ASIC2: variants seen among roughly 807,000 people sequenced by gnomAD.
The protein encoded by ASIC2 is acid sensing ion channel subunit 2, also known as acid-sensing ion channel 2.
In ASIC2, 25 loss-of-function variants were observed where a neutral mutation model predicts 57.3. The ratio of observed to expected loss-of-function variants is 0.44; its 90% CI spans 0.32 to 0.61. The LOEUF (loss-of-function observed/expected upper bound fraction) is 0.61, where lower values mean the gene tolerates loss of function less well. Among genes scored for constraint, ASIC2 ranks in the 20% least tolerant of loss-of-function variants. The probability of loss-of-function intolerance (pLI) is 0.06; values close to 1 mark genes in which losing one functional copy is unlikely to be tolerated. For synonymous variants in ASIC2, 319 were observed against 307.5 expected, an observed-to-expected ratio of 1.04 and a Z score of -0.39; for missense variants, 641 against 738.1, an observed-to-expected ratio of 0.87 and a Z score of 1.52.
At chr17:33,020,740 C>T (rs1002955839) in intron 7 of ASIC2, among the ~76,000 whole-genome samples, 5 of 152,152 alleles carry the variant, frequency 3.3e-5, no homozygotes, top group Non-Finnish European at 7.3e-5. Context: ...ACCTGGCCTT[C>T]TGGATGCAGC....
chr17:33,818,319 A>C, intron 1 of ASIC2, among the ~76,000 whole-genome samples: 1 of 152,220 alleles, frequency 6.6e-6, no homozygotes, highest in Non-Finnish European at 1.5e-5. Flanking sequence ...AACCTAAACC[A>C]ATTAGCTTTT....
intron 1 of ASIC2, among the ~76,000 whole-genome samples, chr17:33,252,584 C>A (rs533377764): frequency 5.3e-5 from 8 of 152,138 alleles, no homozygotes; most frequent in African/African-American, 1.9e-4. Flanking sequence ...CCCAGCCCTG[C>A]GATGGGTGCA....
intron 1 of ASIC2, among the ~76,000 whole-genome samples, chr17:34,099,130 G>A (rs75779132): frequency 1.4e-4 from 13 of 92,184 alleles, no homozygotes; most frequent in African/African-American, 4.3e-4. Flanking sequence ...GAGAGAGAGA[G>A]AGAGAGAGAG....
chr17:33,742,657 C>T (rs1207615619), intron 1 of ASIC2, among the ~76,000 whole-genome samples: 1 of 152,176 alleles, frequency 6.6e-6, no homozygotes, highest in Non-Finnish European at 1.5e-5. Context: ...TGGAACACTC[C>T]TTGGAGATTT....
chr17:34,025,825 A>G (rs1278462031), intron 1 of ASIC2, among the ~76,000 whole-genome samples: 1 of 152,264 alleles, frequency 6.6e-6, no homozygotes, highest in Non-Finnish European at 1.5e-5. Flanking sequence ...ATAAAAGGTC[A>G]TGAGAATCTA....
At chr17:33,370,209 T>C (rs562530071) in intron 1 of ASIC2, among the ~76,000 whole-genome samples, 1 of 152,304 alleles carries the variant, frequency 6.6e-6, no homozygotes, top group Non-Finnish European at 1.5e-5. Flanking sequence ...CAGGCAAATC[T>C]AGCCTGGACA....
chr17:33,072,589 G>A (rs2092073709), intron 3 of ASIC2, among the ~76,000 whole-genome samples: 1 of 152,208 alleles, frequency 6.6e-6, no homozygotes, highest in African/African-American at 2.4e-5. Flanking sequence ...TACTTTCATA[G>A]CTATTGCCAA....
chr17:33,303,136 G>T (rs1234657109), intron 1 of ASIC2, among the ~76,000 whole-genome samples: 1 of 152,236 alleles, frequency 6.6e-6, no homozygotes, highest in Non-Finnish European at 1.5e-5. Flanking sequence ...GCAGAGCCAG[G>T]ATTCCAACTC....
intron 1 of ASIC2, among the ~76,000 whole-genome samples, chr17:33,719,269 TA>T (rs1909314127): frequency 6.6e-6 from 1 of 151,962 alleles, no homozygotes; most frequent in Non-Finnish European, 1.5e-5. Flanking sequence ...GCATAGGAAA[TA>T]AACCAGAGAG....
At chr17:33,496,214 G>A (rs991800191) in intron 1 of ASIC2, among the ~76,000 whole-genome samples, 1 of 152,122 alleles carries the variant, frequency 6.6e-6, no homozygotes. Flanking sequence ...GGCTTGGACC[G>A]GGCTATTGGA....
At chr17:33,663,573 T>C (rs567805911) in intron 1 of ASIC2, among the ~76,000 whole-genome samples, 7 of 151,428 alleles carry the variant, frequency 4.6e-5, no homozygotes, top group African/African-American at 1.4e-4. Context: ...TAAAAGACAA[T>C]TTGTATTTCA....
intron 1 of ASIC2, among the ~76,000 whole-genome samples, chr17:34,125,962 G>T (rs1432235786): frequency 6.6e-6 from 1 of 152,218 alleles, no homozygotes; most frequent in Non-Finnish European, 1.5e-5. Context: ...TGGTCACACG[G>T]CTATCCCACA....
At chr17:33,831,073 C>A (rs573881907) in intron 1 of ASIC2, among the ~76,000 whole-genome samples, 2 of 126,164 alleles carry the variant, frequency 1.6e-5, no homozygotes, top group African/African-American at 6.2e-5. Flanking sequence ...TGCACCACTG[C>A]ACTCCAGCCT....
intron 1 of ASIC2, among the ~76,000 whole-genome samples, chr17:33,778,022 G>A (rs1438764939): frequency 2.0e-5 from 3 of 151,998 alleles, no homozygotes; most frequent in African/African-American, 4.8e-5. Flanking sequence ...GACCTTACTC[G>A]TGGGCCTTCC....
rs781417907 is a variant in ASIC2, at chr17:33,620,582, C to CTTTG, written c.556-508516_556-508515insCAAA. ...TGAAATCATCCTTATTTTAGAGCTT[C>CTTTG]CCCATAAAATTAGCAACTTTGCCAT... is the stretch of plus-strand genomic sequence containing the variant. On this transcript the variant is annotated intron_variant, in intron 1 of 9. Transcript: ENST00000359872. Among the ~76,000 whole-genome samples, 316 of 152,234 alleles carry CTTTG rather than the reference C, an allele frequency of 2.1e-3. 3 individuals are homozygous for CTTTG. The highest frequency in any genetic ancestry group is 3.5e-3 in the Non-Finnish European group (240 of 68,018).
intron 1 of ASIC2, among the ~76,000 whole-genome samples, chr17:33,643,156 C>G (rs1009165062): frequency 2.7e-5 from 4 of 150,926 alleles, no homozygotes; most frequent in African/African-American, 9.7e-5. Context: ...TTCCCCCCCC[C>G]CACATTTGAA....
chr17:33,044,598 A>G (rs983361947), intron 3 of ASIC2, among the ~76,000 whole-genome samples: 5 of 152,106 alleles, frequency 3.3e-5, no homozygotes, highest in Admixed American at 6.5e-5. Context: ...CTGACCTCAA[A>G]TGATCTGTCT....
intron 1 of ASIC2, among the ~76,000 whole-genome samples, chr17:33,639,164 C>T (rs1906473373): frequency 6.6e-6 from 1 of 151,788 alleles, no homozygotes; most frequent in South Asian, 2.1e-4. Flanking sequence ...GTGCAGAATG[C>T]CAGACGTGAG....
intron 1 of ASIC2, among the ~76,000 whole-genome samples, chr17:33,701,735 C>G (rs1448003550): frequency 2.6e-5 from 4 of 152,192 alleles, no homozygotes; most frequent in Non-Finnish European, 4.4e-5. Flanking sequence ...CATTAGAGAT[C>G]AAGTCATGAG....
Sources: gnomAD v4.1 joint callset for allele counts (sites outside exome capture counted in the v4.1 genomes callset) on GRCh38, gnomAD v4.1.1 for gene constraint, MANE v1.5 for transcripts, NCBI Gene and HGNC (gene_info 2026-07-23, HGNC 2026-07-21) for gene names.